DOCK8: variants seen among roughly 807,000 people sequenced by gnomAD.
DOCK8 encodes the protein dedicator of cytokinesis 8.
Under a neutral mutation model 245.6 loss-of-function variants are expected in DOCK8, and 141 were observed. That is an observed-to-expected ratio of 0.57 (90% CI 0.50 to 0.66). The LOEUF is 0.66. DOCK8 is among the 30% of genes least tolerant of loss of function. The pLI is 0.00. For missense variants in DOCK8, 2,965 were observed against 2,603.4 expected (o/e 1.14, Z -3.02); for synonymous variants, 1,168 against 970.2 (o/e 1.20, Z -3.79).
rs1480701837 is a variant in DOCK8 at position 386,236 on chromosome 9, G to A, written c.2779-95G>A. The stretch of plus-strand genomic sequence containing the variant: ...CCTTTGTAACCAGGAAAAAAAATAT[G>A]TATAAAAAAATGAATTCTGAGGTTG... On this transcript the variant is annotated intron_variant, in intron 22 of 47. Transcript: ENST00000432829. 3 of 1,026,002 alleles carry A rather than the reference G, an allele frequency of 2.9e-6. No homozygotes were observed. In the East Asian group the frequency reaches 7.9e-5, roughly 27 times the overall value. The allele number at this position is 1,026,002 out of a possible 1,614,324, so 63.6% of individuals were successfully genotyped here.
chr9:227,178 AG>A (rs2047008916), intron 1 of DOCK8, among the ~76,000 whole-genome samples: 1 of 152,236 alleles, frequency 6.6e-6, no homozygotes, highest in African/African-American at 2.4e-5. Flanking sequence ...AATTGGAAGA[AG>A]AAGCAATTAT....
chr9:229,744 G>C (rs549793998), intron 1 of DOCK8, among the ~76,000 whole-genome samples: 1 of 152,178 alleles, frequency 6.6e-6, no homozygotes, highest in South Asian at 2.1e-4. Flanking sequence ...TAACATATCT[G>C]AAAGATAGGT....
chr9:297,232 A>G (rs1406114413), intron 4 of DOCK8, among the ~76,000 whole-genome samples: 2 of 152,132 alleles, frequency 1.3e-5, no homozygotes, highest in South Asian at 2.1e-4. Context: ...ATTTCCCCCT[A>G]TTTCATACTT....
At chr9:247,233 A>G (rs902742803) in intron 1 of DOCK8, among the ~76,000 whole-genome samples, 2 of 152,172 alleles carry the variant, frequency 1.3e-5, no homozygotes, top group African/African-American at 4.8e-5. Context: ...TTATCATACT[A>G]TTAATTTGAA....
Position 377,152 on chromosome 9 carries a change from T to C in DOCK8, c.2381T>C (p.Leu794Pro), listed in dbSNP as rs769117348. Residue 794 changes from leucine (L) to proline (P), a missense_variant, in exon 20 of 48, where the codon CTG becomes CCG. By Grantham distance (98) the Leu-to-Pro change is moderately conservative. This residue lies in a region of DOCK8 where 2,825 missense variants were observed against 2,453.5 expected (regional missense o/e 1.15). Transcript: ENST00000432829. ...RLEPLVLFLH[L>P]VLDKLFQLSV... Reference sequence around the variant, plus strand: ...GAGCCGCTCGTGCTCTTCCTGCACCTGGTGCTGGACAAGCTCTTCCAGCTG... The same window carrying C: ...GAGCCGCTCGTGCTCTTCCTGCACCCGGTGCTGGACAAGCTCTTCCAGCTG... 4 of 1,606,612 alleles carry C rather than the reference T, an allele frequency of 2.5e-6. No individual in the cohort carries two copies. Among genetic ancestry groups the C allele is most frequent in the Middle Eastern group, 1.8e-4 (1 of 5,694 alleles).
At chr9:390,345 A>G in intron 23 of DOCK8, 126 bp from the exon 24 acceptor site, 1 of 869,046 alleles carries the variant, frequency 1.2e-6, no homozygotes. Context: ...TGCCTAGAAC[A>G]TCTAAGACAC....
intron 4 of DOCK8, among the ~76,000 whole-genome samples, chr9:300,019 C>CAAAA (rs71312802): frequency 7.5e-6 from 1 of 132,868 alleles, no homozygotes; most frequent in Non-Finnish European, 1.6e-5. Flanking sequence ...GACTCCGTCT[C>CAAAA]AAAAAAAAAA....
intron 1 of DOCK8, among the ~76,000 whole-genome samples, chr9:248,273 A>G (rs1250660331): frequency 6.6e-6 from 1 of 152,348 alleles, no homozygotes; most frequent in East Asian, 1.9e-4. Context: ...CCTTTTAGAC[A>G]AAACAGATTA....
Position 334,326 on chromosome 9 carries a change from A to C in DOCK8, c.1227A>C (p.Ser409=), listed in dbSNP as rs2130878583. The change falls in exon 11 of 48, where the codon TCA becomes TCC. Residue 409 remains serine, a synonymous_variant. Transcript: ENST00000432829. ...TTGCCTGGGCACCCATAAGCTTATC[A>C]AGCTTCTTCAATGTCTCCACCCTTG... is the stretch of plus-strand genomic sequence containing the variant. The part of the protein sequence containing the change: ...MPFAWAPISL[S]SFFNVSTLER... 4 of 1,614,150 alleles carry C rather than the reference A, an allele frequency of 2.5e-6. No homozygotes were observed. The highest frequency in any genetic ancestry group is 3.4e-6 in the Non-Finnish European group (4 of 1,180,010).
rs2053234426 is a variant in DOCK8, at chr9:370,435, T to G, written c.1868+135T>G. ...GAGGGGCAAAGGAAATCCATGCCAG[T>G]TCCGTGACTCTGTGTTGAAGATGTA... On this transcript the variant is annotated intron_variant, in intron 16 of 47. Transcript: ENST00000432829. 7.8e-6 allele frequency: 6 copies of G among 772,394 alleles called. No individual in the cohort carries two copies. In the Admixed American group the frequency reaches 1.2e-4, roughly 15 times the overall value. The allele number at this position is 772,394 out of a possible 1,614,324, so 47.8% of individuals were successfully genotyped here.
chr9:253,290 C>T (rs1287069414), intron 1 of DOCK8, among the ~76,000 whole-genome samples: 2 of 152,210 alleles, frequency 1.3e-5, no homozygotes, highest in African/African-American at 4.8e-5. Context: ...TCGAACTAAA[C>T]ACTTCCTATG....
At chr9:262,587 T>C (rs181545020) in intron 1 of DOCK8, among the ~76,000 whole-genome samples, 33 of 151,416 alleles carry the variant, frequency 2.2e-4, no homozygotes, top group African/African-American at 7.5e-4. Context: ...AAAAGAGATA[T>C]ATTGTATGAT....
chr9:232,516 C>T (rs971820016), intron 1 of DOCK8, among the ~76,000 whole-genome samples: 1 of 152,138 alleles, frequency 6.6e-6, no homozygotes, highest in African/African-American at 2.4e-5. Context: ...GCTGTGAATC[C>T]ATCTGGTCCT....
At position 325,662 on chromosome 9, in the gene DOCK8, C is replaced by T; in HGVS notation, c.828-9C>T. On this transcript the variant is annotated splice_polypyrimidine_tract_variant and intron_variant, in intron 7 of 47. Coordinates refer to ENST00000432829, the MANE Select transcript of DOCK8 (RefSeq NM_203447.4). ...AAGCCACATAGATTTTCCTCTCTTT[C>T]TATGGTAGGTTCGAGATTGAAATTG... 6.2e-7 allele frequency: 1 copy of T among 1,613,056 alleles called. No homozygotes were observed. Among genetic ancestry groups the T allele is most frequent in the Non-Finnish European group, 8.5e-7 (1 of 1,179,098 alleles).
intron 9 of DOCK8, 44 bp from the exon 10 acceptor site, chr9:332,354 G>A (rs552899838): frequency 3.3e-5 from 44 of 1,338,350 alleles, no homozygotes; most frequent in South Asian, 2.6e-4. Context: ...CCTTTTTATG[G>A]ATGTAATTTA....
chr9:247,684 C>T (rs555629210), intron 1 of DOCK8, among the ~76,000 whole-genome samples: 1 of 152,172 alleles, frequency 6.6e-6, no homozygotes, highest in South Asian at 2.1e-4. Flanking sequence ...CAGGCACCCA[C>T]CACCACGCCC....
intron 26 of DOCK8, among the ~76,000 whole-genome samples, chr9:400,039 A>T (rs796271196): frequency 2.6e-4 from 30 of 116,016 alleles, no homozygotes; most frequent in African/African-American, 1.0e-3. Context: ...CATCACCACC[A>T]CCACCTCCAC....
chr9:433,062 C>G (rs1238901800), intron 37 of DOCK8, among the ~76,000 whole-genome samples: 1 of 152,248 alleles, frequency 6.6e-6, no homozygotes, highest in Non-Finnish European at 1.5e-5. Flanking sequence ...GTCTGTTTTG[C>G]CCTCTCGGGC....
intron 14 of DOCK8, among the ~76,000 whole-genome samples, chr9:362,669 C>G (rs964957193): frequency 6.6e-6 from 1 of 152,166 alleles, no homozygotes; most frequent in African/African-American, 2.4e-5. Flanking sequence ...AGGGTCCAGT[C>G]GCTTAAACAG....
Sources: allele counts gnomAD v4.1 joint callset (sites outside exome capture counted in the v4.1 genomes callset), GRCh38; gene constraint gnomAD v4.1.1; regional missense constraint gnomAD v4.1.1; transcripts MANE v1.5; gene names NCBI Gene and HGNC (gene_info 2026-07-23, HGNC 2026-07-21).